IQCJ: variants seen among roughly 807,000 people sequenced by gnomAD.
IQCJ encodes the protein IQ motif containing J.
In IQCJ, 9 loss-of-function variants were observed where a neutral mutation model predicts 11.0. That is an observed-to-expected ratio of 0.82 (90% CI 0.49 to 1.43). The LOEUF (loss-of-function observed/expected upper bound fraction) is 1.43. IQCJ is among the 40% of genes most tolerant of loss of function. IQCJ has a pLI of 0.00. For synonymous variants in IQCJ, 55 were observed against 51.3 expected, an observed-to-expected ratio of 1.07 and a Z score of -0.31; for missense variants, 146 against 133.2, an observed-to-expected ratio of 1.10 and a Z score of -0.47.
intron 1 of IQCJ, among the ~76,000 whole-genome samples, chr3:159,155,153 G>T (rs1721445989): frequency 6.6e-6 from 1 of 151,224 alleles, no homozygotes; most frequent in African/African-American, 2.5e-5. Flanking sequence ...GCAGCAACCA[G>T]TTATTTATTT....
intron 1 of IQCJ, among the ~76,000 whole-genome samples, chr3:159,205,193 AG>A (rs1724581866): frequency 6.6e-6 from 1 of 152,226 alleles, no homozygotes; most frequent in Admixed American, 6.5e-5. Context: ...ATTTGCTAGA[AG>A]GATTCACAGA....
chr3:159,196,906 A>G (rs2108054423), intron 1 of IQCJ, among the ~76,000 whole-genome samples: 1 of 152,162 alleles, frequency 6.6e-6, no homozygotes, highest in African/African-American at 2.4e-5. Flanking sequence ...ATCGCCATCC[A>G]TTGCTTGAAT....
At chr3:159,159,940 C>G (rs1344866939) in intron 1 of IQCJ, among the ~76,000 whole-genome samples, 2 of 152,154 alleles carry the variant, frequency 1.3e-5, no homozygotes, top group African/African-American at 4.8e-5. Context: ...TAGATGCCGA[C>G]CCTATGCTTC....
At chr3:159,116,459 G>C (rs1719003928) in intron 1 of IQCJ, among the ~76,000 whole-genome samples, 3 of 151,602 alleles carry the variant, frequency 2.0e-5, no homozygotes, top group South Asian at 4.2e-4. Flanking sequence ...AGTTCAAGAA[G>C]ATTGTGGATC....
intron 1 of IQCJ, among the ~76,000 whole-genome samples, chr3:159,090,196 G>GCC (rs1717150136): frequency 6.6e-6 from 1 of 151,662 alleles, no homozygotes; most frequent in South Asian, 2.1e-4. Context: ...GTGTCAGTCT[G>GCC]CCCCTGCTGT....
At chr3:159,092,699 A>AACACACACACACACACACAC (rs57083405) in intron 1 of IQCJ, among the ~76,000 whole-genome samples, 5,426 of 141,486 alleles carry the variant, frequency 0.038, 226 homozygotes, top group African/African-American at 0.09. Context: ...CTCCATCACA[A>AACACACACACACACACACAC]ACACACACAC....
rs113743938 is a variant in IQCJ at position 159,154,003 on chromosome 3, A to C, written c.9+84562A>C. Among the ~76,000 whole-genome samples the C allele has an allele frequency of 8.2e-3, 1,242 of 152,288 alleles. 11 individuals carry two copies. Among genetic ancestry groups the C allele is most frequent in the Non-Finnish European group, 0.013 (879 of 68,014 alleles). On this transcript the variant is annotated intron_variant, in intron 1 of 3. Coordinates refer to ENST00000397832, the MANE Select transcript of IQCJ (RefSeq NM_001042706.3). ...TGTAAGTCTCAAATCATTCTTAATA[A>C]ATTCCTTTTCTTAATGAATTAGCCA...
At chr3:159,199,060 G>T (rs2108060434) in intron 1 of IQCJ, among the ~76,000 whole-genome samples, 1 of 152,286 alleles carries the variant, frequency 6.6e-6, no homozygotes, top group East Asian at 1.9e-4. Context: ...AGGAAACATT[G>T]TGGTGGTAAG....
chr3:159,163,271 A>G (rs568585564), intron 1 of IQCJ, among the ~76,000 whole-genome samples: 1 of 152,356 alleles, frequency 6.6e-6, no homozygotes, highest in African/African-American at 2.4e-5. Flanking sequence ...GGTTCAATAT[A>G]CACAAATCAA....
chr3:159,104,061 G>A (rs920443920), intron 1 of IQCJ, among the ~76,000 whole-genome samples: 4 of 152,184 alleles, frequency 2.6e-5, no homozygotes, highest in African/African-American at 9.7e-5. Flanking sequence ...GGAGTGGATA[G>A]TTTAGAAATG....
chr3:159,231,943 G>A (rs561158292), intron 1 of IQCJ, among the ~76,000 whole-genome samples: 4 of 152,130 alleles, frequency 2.6e-5, no homozygotes, highest in African/African-American at 4.8e-5. Context: ...ATTCTTTGAT[G>A]GTAGCTTGTA....
At chr3:159,245,073 A>G (rs1447346071) in intron 1 of IQCJ, among the ~76,000 whole-genome samples, 1 of 152,146 alleles carries the variant, frequency 6.6e-6, no homozygotes, top group Non-Finnish European at 1.5e-5. Context: ...CAGAGAAATG[A>G]GATTACAGAG....
rs774397281 is a variant in IQCJ at position 159,262,570 on chromosome 3, T to G, written c.178T>G (p.Tyr60Asp). The G allele has an allele frequency of 1.9e-6, 3 of 1,613,666 alleles. No individual in the cohort carries two copies. The East Asian group carries it at 6.7e-5, about 36-fold the overall frequency. Residue 60 changes from tyrosine to aspartate, a missense_variant, in exon 4 of 4, where the codon TAC becomes GAC. Transcript: ENST00000397832. ...VKIIQRAWRE[Y>D]LQRQEPLGKR... ...CAGCATTCAGCGAGCATGGCGAGAG[T>G]ACCTGCAGCGGCAGGAGCCCCTGGG...
At chr3:159,114,757 C>T (rs370748544) in intron 1 of IQCJ, among the ~76,000 whole-genome samples, 2 of 152,332 alleles carry the variant, frequency 1.3e-5, no homozygotes, top group African/African-American at 4.8e-5. Context: ...CCTGAGACTT[C>T]AAAGCTGCTC....
chr3:159,222,808 C>T (rs960302193), intron 1 of IQCJ, among the ~76,000 whole-genome samples: 10 of 150,362 alleles, frequency 6.7e-5, no homozygotes, highest in South Asian at 4.1e-4. Context: ...TCATATTGTA[C>T]GCCTTAATAC....
chr3:159,172,168 TG>T (rs1230473639), intron 1 of IQCJ, among the ~76,000 whole-genome samples: 1 of 152,168 alleles, frequency 6.6e-6, no homozygotes, highest in Non-Finnish European at 1.5e-5. Flanking sequence ...ATTTTTATAA[TG>T]GTCAAAATAT....
intron 3 of IQCJ, among the ~76,000 whole-genome samples, chr3:159,257,971 G>C (rs1230570501): frequency 1.3e-5 from 2 of 152,184 alleles, no homozygotes; most frequent in Non-Finnish European, 2.9e-5. Context: ...CTGTTTGGTT[G>C]TAAGTATCAG....
At chr3:159,128,468 T>C (rs1719798201) in intron 1 of IQCJ, among the ~76,000 whole-genome samples, 1 of 152,206 alleles carries the variant, frequency 6.6e-6, no homozygotes, top group African/African-American at 2.4e-5. Context: ...TTTCTGAAGA[T>C]ACACAAGCAG....
intron 1 of IQCJ, among the ~76,000 whole-genome samples, chr3:159,085,435 T>C (rs1472549802): frequency 6.6e-6 from 1 of 152,042 alleles, no homozygotes. Flanking sequence ...ATATACCCAG[T>C]AATGGGATGG....
Sources: allele counts gnomAD v4.1 joint callset (sites outside exome capture counted in the v4.1 genomes callset), GRCh38; gene constraint gnomAD v4.1.1; transcripts MANE v1.5; gene names NCBI Gene and HGNC (gene_info 2026-07-23, HGNC 2026-07-21).